The following SACS variants were observed in gnomAD, a reference collection of about 807,000 sequenced individuals.
SACS encodes the protein sacsin molecular chaperone.
SACS carries 197 observed loss-of-function variants against 348.0 expected under a neutral mutation model. The observed-to-expected ratio is 0.57, with a 90% CI of 0.50 to 0.64. The LOEUF (loss-of-function observed/expected upper bound fraction) is 0.64, where lower values mean the gene tolerates loss of function less well. SACS is among the 30% of genes least tolerant of loss of function. SACS has a pLI of 0.00. For missense variants in SACS, 4,999 were observed against 5,360.8 expected (o/e 0.93, Z 2.11); for synonymous variants, 1,985 against 1,910.6 (o/e 1.04, Z -1.02).
rs2137572964 is a variant in SACS at position 23,333,196 on chromosome 13, A to G, written c.10680T>C (p.Asn3560=). 1.2e-6 allele frequency: 2 copies of G among 1,601,906 alleles called. No homozygotes were observed. The highest frequency in any genetic ancestry group is 1.7e-6 in the Non-Finnish European group (2 of 1,174,990). The stretch of plus-strand genomic sequence containing the variant: ...GTTGTTCCAATTTCTTAAAGAAATC[A>G]TTAGGAATAAACAATTTTTCAGGAA... ...VMLPEKLFIP[N]DFFKKLEQLI... is the part of the protein sequence containing the mutation. The change falls in exon 10 of 10, where the codon AAT becomes AAC. Residue 3560 remains asparagine, a synonymous_variant. Transcript: ENST00000382292.
In SACS at chr13:23,354,612, T is replaced by C. The variant is rs750191264; in HGVS notation, c.2000A>G (p.Glu667Gly). ...DQAYSELLGLELLPLQNGNFV... is the reference protein window; with the variant it reads ...DQAYSELLGLGLLPLQNGNFV... ...ATTGCCATTTTGTAAAGGGAGCAGC[T>C]CCAGCCCAAGCAGCTCACTGTAGGC... Residue 667 changes from glutamate (E) to glycine (G), a missense_variant, in exon 8 of 10, where the codon GAG becomes GGG. By Grantham distance (98) the Glu-to-Gly change is moderately conservative. This residue lies in a region of SACS where 3,156 missense variants were observed against 3,380.1 expected (regional missense o/e 0.93). Coordinates refer to ENST00000382292, the MANE Select transcript of SACS (RefSeq NM_014363.6). 1 of 1,614,188 alleles carries C rather than the reference T, an allele frequency of 6.2e-7. No individual in the cohort carries two copies. The highest frequency in any genetic ancestry group is 1.1e-5 in the South Asian group (1 of 91,082).
At chr13:23,372,058 T>A (rs1407111088) in intron 3 of SACS, among the ~76,000 whole-genome samples, 1 of 152,242 alleles carries the variant, frequency 6.6e-6, no homozygotes, top group Non-Finnish European at 1.5e-5. Flanking sequence ...TGGTGTATAA[T>A]AGTCATTAAT....
At chr13:23,379,013 TA>T (rs1269510232) in intron 2 of SACS, among the ~76,000 whole-genome samples, 15 of 152,250 alleles carry the variant, frequency 9.9e-5, no homozygotes, top group Non-Finnish European at 1.5e-5. Context: ...CAACTCTTGC[TA>T]CTCTTCCAGT....
intron 9 of SACS, among the ~76,000 whole-genome samples, chr13:23,350,776 C>CCTTT (rs1248159963): frequency 6.6e-6 from 1 of 152,186 alleles, no homozygotes; most frequent in Non-Finnish European, 1.5e-5. Context: ...TAATACTCCG[C>CCTTT]CTTTCTTCTC....
chr13:23,416,090 G>A (rs1303032380), intron 1 of SACS, among the ~76,000 whole-genome samples: 1 of 151,914 alleles, frequency 6.6e-6, no homozygotes, highest in Admixed American at 6.6e-5. Context: ...GACCAGCCTG[G>A]CAAACATGGT....
intron 2 of SACS, among the ~76,000 whole-genome samples, chr13:23,398,196 A>C (rs1872785294): frequency 6.6e-6 from 1 of 151,378 alleles, no homozygotes; most frequent in African/African-American, 2.4e-5. Flanking sequence ...CATCTCAAAA[A>C]ATAAAATAAA....
chr13:23,399,019 CAAAAA>C (rs752943692), intron 2 of SACS, among the ~76,000 whole-genome samples: 2 of 67,140 alleles, frequency 3.0e-5, no homozygotes. Flanking sequence ...GACTCCATCT[CAAAAA>C]AAAAAAAAAA....
intron 6 of SACS, 117 bp from the exon 7 acceptor site, chr13:23,358,598 TAG>T: frequency 9.5e-7 from 1 of 1,054,074 alleles, no homozygotes; most frequent in Non-Finnish European, 1.4e-6. Flanking sequence ...GAGGAGTGAA[TAG>T]AGTGACTGAA....
chr13:23,388,473 A>G (rs1032352476), intron 2 of SACS, among the ~76,000 whole-genome samples: 13 of 130,688 alleles, frequency 9.9e-5, no homozygotes, highest in Admixed American at 5.0e-4. Context: ...AAAATATAAA[A>G]ATATGGTGTG....
chr13:23,351,675 A>C (rs1403370427), intron 9 of SACS, among the ~76,000 whole-genome samples: 1 of 152,210 alleles, frequency 6.6e-6, no homozygotes, highest in Non-Finnish European at 1.5e-5. Context: ...ATGAAAACAG[A>C]CTAATACAGC....
At chr13:23,381,859 T>G (rs1387113249) in intron 2 of SACS, among the ~76,000 whole-genome samples, 1 of 152,236 alleles carries the variant, frequency 6.6e-6, no homozygotes, top group Non-Finnish European at 1.5e-5. Flanking sequence ...GGGTTATCAT[T>G]ACTTTATTGC....
intron 9 of SACS, among the ~76,000 whole-genome samples, chr13:23,351,127 C>CT (rs1201562258): frequency 6.6e-6 from 1 of 152,202 alleles, no homozygotes; most frequent in Non-Finnish European, 1.5e-5. Context: ...TGACTCACAA[C>CT]TCAGGAAAGG....
At chr13:23,346,567 A>G (rs896342202) in intron 9 of SACS, among the ~76,000 whole-genome samples, 1 of 152,224 alleles carries the variant, frequency 6.6e-6, no homozygotes, top group Non-Finnish European at 1.5e-5. Context: ...TTGATTAGAG[A>G]CTAAATGTTC....
intron 2 of SACS, among the ~76,000 whole-genome samples, chr13:23,388,478 GGT>G (rs1197217224): frequency 1.6e-3 from 151 of 94,976 alleles, no homozygotes; most frequent in South Asian, 0.014. Flanking sequence ...ATAAAAATAT[GGT>G]GTGTGTGTAT....
chr13:23,345,990 G>A (rs867906574), intron 9 of SACS, among the ~76,000 whole-genome samples: 9 of 152,050 alleles, frequency 5.9e-5, no homozygotes, highest in Middle Eastern at 3.2e-3. Flanking sequence ...AGCTAGGCTG[G>A]CCACCTTCCC....
Position 23,331,097 on chromosome 13 carries a change from G to C in SACS, c.12779C>G (p.Ser4260Cys), listed in dbSNP as rs1158916950. 1.2e-6 allele frequency: 2 copies of C among 1,613,972 alleles called. No homozygotes were observed. The highest frequency in any genetic ancestry group is 2.7e-5 in the African/African-American group (2 of 74,910). ...GAACTCAGTGGGGCTGGTTGGTGTA[G>C]AAGGAGCACTGTCCCTGCTTTGAGA... ...ESSQSRDSAP[S>C]TPTSPTEFLT... The change falls in exon 10 of 10, where the codon TCT (serine) becomes TGT (cysteine). Residue 4260 changes from serine (S) to cysteine (C), a missense_variant. Around this residue, in one of 6 missense-constraint regions of SACS, gnomAD observed 831 missense variants for 941.8 expected, o/e 0.88. Transcript: ENST00000382292.
intron 2 of SACS, among the ~76,000 whole-genome samples, chr13:23,378,209 G>A (rs1291473465): frequency 3.3e-5 from 5 of 152,138 alleles, no homozygotes; most frequent in African/African-American, 1.2e-4. Flanking sequence ...TTGTTGTTTG[G>A]TTGCCAGAAA....
rs1437563304 is a variant in SACS, at chr13:23,332,708, T to A, written c.11168A>T (p.Asp3723Val). The A allele has an allele frequency of 6.2e-7, 1 of 1,614,012 alleles. No homozygotes were observed. Among genetic ancestry groups the A allele is most frequent in the Admixed American group, 1.7e-5 (1 of 60,020 alleles). ...TTCAAGCTGTTCTTGTGGACCAAGG[T>A]CACTACCTTCTTGTTCTTTAATGCT... is the stretch of plus-strand genomic sequence containing the variant. ...PLSIKEQEGS[D>V]LGPQEQLEQV... Residue 3723 changes from aspartate to valine, a missense_variant, in exon 10 of 10, where the codon GAC becomes GTC. Physicochemically the swap from Asp to Val is radical, Grantham distance 152 (BLOSUM62 -3). This residue lies in a region of SACS where 831 missense variants were observed against 941.8 expected (regional missense o/e 0.88). Transcript: ENST00000382292.
At position 23,330,582 on chromosome 13, in the gene SACS, A is replaced by G. The variant is rs1377952075; in HGVS notation, c.13294T>C (p.Phe4432Leu). 1 of 1,613,852 alleles carries G rather than the reference A, an allele frequency of 6.2e-7. No individual in the cohort carries two copies. The highest frequency in any genetic ancestry group is 8.5e-7 in the Non-Finnish European group (1 of 1,179,988). ...GACTTGAAAGTGGGAGGAACAAAGA[A>G]CCTTTGAGAGTAAGTCTGTCCGGCT... ...PSAGQTYSQR[F>L]FVPPTFKSVG... The change falls in exon 10 of 10, where the codon TTC (phenylalanine) becomes CTC (leucine). Residue 4432 changes from phenylalanine (F) to leucine (L), a missense_variant. Phe to Leu is a conservative substitution (Grantham distance 22). Transcript: ENST00000382292.
Sources: allele counts gnomAD v4.1 joint callset (sites outside exome capture counted in the v4.1 genomes callset), GRCh38; gene constraint gnomAD v4.1.1; regional missense constraint gnomAD v4.1.1; transcripts MANE v1.5; gene names NCBI Gene and HGNC (gene_info 2026-07-23, HGNC 2026-07-21).